Variants in MTHFSD observed in about 807,000 individuals in gnomAD.
MTHFSD encodes methenyltetrahydrofolate synthase domain-containing protein.
A neutral mutation model predicts 31.1 loss-of-function variants in MTHFSD; 37 were observed. That is an observed-to-expected ratio of 1.19 (90% CI 0.91 to 1.56). MTHFSD has a LOEUF of 1.56. MTHFSD is among the 40% of genes most tolerant of loss of function. The pLI is 0.00. For missense variants in MTHFSD, 664 were observed against 510.1 expected (o/e 1.30, Z -2.91); for synonymous variants, 221 against 206.9 (o/e 1.07, Z -0.59).
intron 7 of MTHFSD, among the ~76,000 whole-genome samples, chr16:86,538,773 C>A (rs925159908): frequency 6.6e-6 from 1 of 152,182 alleles, no homozygotes; most frequent in African/African-American, 2.4e-5. Context: ...CCATCTCCAG[C>A]CTGGCAGAGA....
intron 7 of MTHFSD, among the ~76,000 whole-genome samples, chr16:86,537,339 C>T (rs1388024653): frequency 6.6e-6 from 1 of 152,122 alleles, no homozygotes; most frequent in Non-Finnish European, 1.5e-5. Flanking sequence ...GCCTTTTCTA[C>T]TTTATACCAC....
At chr16:86,549,742 G>A (rs768126875) in intron 3 of MTHFSD, among the ~76,000 whole-genome samples, 1 of 152,262 alleles carries the variant, frequency 6.6e-6, no homozygotes, top group Non-Finnish European at 1.5e-5. Context: ...AAACCTCCTT[G>A]AGTGATACCA....
chr16:86,543,670 C>T (rs1424150148), intron 5 of MTHFSD, among the ~76,000 whole-genome samples: 3 of 152,190 alleles, frequency 2.0e-5, no homozygotes, highest in Non-Finnish European at 4.4e-5. Flanking sequence ...ACCGTCCCTT[C>T]TGTGAATGCA....
intron 7 of MTHFSD, among the ~76,000 whole-genome samples, chr16:86,540,554 G>A (rs1193137248): frequency 6.6e-6 from 1 of 152,218 alleles, no homozygotes; most frequent in East Asian, 1.9e-4. Context: ...TAGAGGGACT[G>A]CCAGCAGCTT....
chr16:86,535,915 C>T (rs555625882), intron 7 of MTHFSD, among the ~76,000 whole-genome samples: 5 of 152,086 alleles, frequency 3.3e-5, no homozygotes, highest in African/African-American at 1.2e-4. Context: ...AGTGGCACAA[C>T]TCATAGCTCA....
rs1484161425 is a variant in MTHFSD at position 86,548,451 on chromosome 16, T to A, written c.351+13A>T. The A allele has an allele frequency of 6.2e-7, 1 of 1,605,144 alleles. No individual in the cohort carries two copies. Among genetic ancestry groups the A allele is most frequent in the African/African-American group, 1.3e-5 (1 of 74,880 alleles). ...GTTCTTTCCTAGGTGGGGACATTGC[T>A]TCTGGTACTTACCTGAGAGGTGGCA... On this transcript the variant is annotated intron_variant, in intron 4 of 7. Coordinates refer to ENST00000360900, the MANE Select transcript of MTHFSD (RefSeq NM_001159377.2).
At chr16:86,541,186 G>A (rs1420586215) in intron 7 of MTHFSD, 4 of 1,289,588 alleles carry the variant, frequency 3.1e-6, no homozygotes, top group Admixed American at 4.6e-5. Context: ...TGCAACCTGT[G>A]CCATTACCTA....
chr16:86,544,670 C>A (rs1972019863), intron 5 of MTHFSD, among the ~76,000 whole-genome samples: 1 of 152,232 alleles, frequency 6.6e-6, no homozygotes, highest in South Asian at 2.1e-4. Flanking sequence ...GACCTAGAAC[C>A]AGAAATACCA....
Position 86,546,948 on chromosome 16 carries a change from A to G in MTHFSD, c.352-299T>C, listed in dbSNP as rs530704114. Among the ~76,000 whole-genome samples the G allele has an allele frequency of 2.6e-5, 4 of 152,354 alleles. No individual in the cohort carries two copies. In the East Asian group the frequency reaches 7.7e-4, roughly 29 times the overall value. The stretch of plus-strand genomic sequence containing the variant: ...TTTTCCCCATAAGGCAGAAGAGCAC[A>G]GTGGTGAAAACACAGGGGCAGAGTC... On this transcript the variant is annotated intron_variant, in intron 4 of 7. Transcript: ENST00000360900.
intron 7 of MTHFSD, among the ~76,000 whole-genome samples, chr16:86,536,709 C>T (rs1314792677): frequency 5.3e-5 from 8 of 152,360 alleles, no homozygotes; most frequent in Admixed American, 2.6e-4. Flanking sequence ...TTAAAACTGA[C>T]GCTGCGAAAT....
At chr16:86,546,721 T>G in intron 4 of MTHFSD, 72 bp from the exon 5 acceptor site, 1 of 1,309,720 alleles carries the variant, frequency 7.6e-7, no homozygotes, top group Non-Finnish European at 1.1e-6. Flanking sequence ...ATGATCAAAG[T>G]GCACTCAGGG....
chr16:86,532,170 G>C lies in MTHFSD; in HGVS notation c.993C>G (p.Ser331=), dbSNP rs550859374. 1.3e-6 allele frequency: 2 copies of C among 1,568,654 alleles called. No individual in the cohort carries two copies. The highest frequency in any genetic ancestry group is 2.7e-5 in the African/African-American group (2 of 73,094). Residue 331 remains serine (S), a synonymous_variant, in exon 8 of 8, where the codon TCC becomes TCG. Coordinates refer to ENST00000360900, the MANE Select transcript of MTHFSD (RefSeq NM_001159377.2). Reference sequence around the variant, plus strand: ...CCTGCCAGGTGAGCCGCAGGGGCACGGAGCCGAGTTCCCGCAGGGCTCTCT... The same window carrying C: ...CCTGCCAGGTGAGCCGCAGGGGCACCGAGCCGAGTTCCCGCAGGGCTCTCT... ...DLKRALRELG[S]VPLRLTWQGP... is the part of the protein sequence containing the mutation.
intron 7 of MTHFSD, 40 bp downstream of exon 7, chr16:86,541,657 G>C: frequency 6.3e-7 from 1 of 1,597,386 alleles, no homozygotes; most frequent in Non-Finnish European, 8.5e-7. Flanking sequence ...AGGAGGAGCC[G>C]CTAAGCTACA....
intron 1 of MTHFSD, 50 bp from the exon 2 acceptor site, chr16:86,554,801 C>T: frequency 2.7e-6 from 4 of 1,501,956 alleles, no homozygotes; most frequent in Non-Finnish European, 3.7e-6. Flanking sequence ...TTCCAGAGCC[C>T]ATGCTGAAAC....
At chr16:86,536,044 G>A (rs931824096) in intron 7 of MTHFSD, among the ~76,000 whole-genome samples, 5 of 152,120 alleles carry the variant, frequency 3.3e-5, no homozygotes, top group Non-Finnish European at 7.4e-5. Flanking sequence ...CAGTAAAGAC[G>A]GGATCTTGCT....
At position 86,541,607 on chromosome 16, in the gene MTHFSD, T is replaced by C. The variant is rs865802634; in HGVS notation, c.681+90A>G. 68 of 1,525,566 alleles carry C rather than the reference T, an allele frequency of 4.5e-5. No individual in the cohort carries two copies. In the Middle Eastern group the frequency reaches 3.3e-3, roughly 75 times the overall value. 94.5% of individuals were successfully genotyped at this position (1,525,566 alleles called of 1,614,324 possible). ...ATTCTAACATACAGCCATGCTGGGA[T>C]TGCCAACAGCTCCCATGCCAGACAG... On this transcript the variant is annotated intron_variant, in intron 7 of 7. Transcript: ENST00000360900.
At chr16:86,533,144 A>G (rs1333150097) in intron 7 of MTHFSD, 3 of 152,364 alleles carry the variant, frequency 2.0e-5, no homozygotes, top group Non-Finnish European at 4.4e-5. Flanking sequence ...TTAAGTCTCA[A>G]TTGTATGCGA....
In MTHFSD at chr16:86,532,116, G is replaced by T; in HGVS notation, c.1047C>A (p.Tyr349Ter). The T allele has an allele frequency of 3.9e-6, 6 of 1,548,808 alleles. No individual in the cohort carries two copies. The highest frequency in any genetic ancestry group is 3.6e-5 in the South Asian group (3 of 82,194). Residue 349 changes from tyrosine to a stop codon, truncating the protein, a stop_gained, in exon 8 of 8, where the codon TAC becomes TAA. Coordinates refer to ENST00000360900, the MANE Select transcript of MTHFSD (RefSeq NM_001159377.2). LOFTEE classifies it low-confidence loss of function (END_TRUNC). ...CCTGCTGGGCTGCGGCAGAGTCCGG[G>T]TAATGGAGGAAGGCTCTGCGCCGCG... ...QGPRRRAFLH[Y>*]PDSAAAQQAV...
chr16:86,533,460 C>T (rs1970250416), intron 7 of MTHFSD: 1 of 152,184 alleles, frequency 6.6e-6, no homozygotes, highest in Admixed American at 6.5e-5. Flanking sequence ...TTCACATGAG[C>T]ATGGTCATCA....
Sources: gnomAD v4.1 joint callset for allele counts (sites outside exome capture counted in the v4.1 genomes callset) on GRCh38, gnomAD v4.1.1 for gene constraint, MANE v1.5 for transcripts, NCBI Gene and HGNC (gene_info 2026-07-23, HGNC 2026-07-21) for gene names.